Variants in DOCK1 observed in about 807,000 individuals in gnomAD.
The protein encoded by DOCK1 is dedicator of cytokinesis 1, also known as dedicator of cytokinesis protein 1.
DOCK1 carries 138 observed loss-of-function variants against 262.7 expected under a neutral mutation model. That is an observed-to-expected ratio of 0.53 (90% CI 0.46 to 0.61). DOCK1 has a LOEUF of 0.61. Ranked by LOEUF, DOCK1 falls within the 20% of genes least tolerant of loss-of-function variation. The pLI is 0.00. For synonymous variants in DOCK1, 866 were observed against 867.4 expected (o/e 1.00, Z 0.03); for missense variants, 1,908 against 2,370.7 (o/e 0.80, Z 4.05).
intron 22 of DOCK1, among the ~76,000 whole-genome samples, chr10:127,057,385 T>C (rs1198928895): frequency 6.6e-6 from 1 of 152,242 alleles, no homozygotes; most frequent in East Asian, 1.9e-4. Context: ...AATTCCAGTA[T>C]AATTGACAGT....
At chr10:127,419,874 T>C (rs2068395547) in intron 46 of DOCK1, 125 bp downstream of exon 46, 2 of 1,060,666 alleles carry the variant, frequency 1.9e-6, no homozygotes, top group African/African-American at 3.1e-5. Flanking sequence ...GTGGCTGTGA[T>C]TGTCCCTGGG....
chr10:126,963,637 T>TCCCTCCCCTC (rs1554962852), intron 1 of DOCK1, among the ~76,000 whole-genome samples: 1 of 57,590 alleles, frequency 1.7e-5, no homozygotes, highest in East Asian at 4.6e-4. Context: ...TCCCTTCCCT[T>TCCCTCCCCTC]CCCTCCTTCC....
chr10:127,215,703 A>G (rs1436797075), intron 27 of DOCK1, among the ~76,000 whole-genome samples: 2 of 152,144 alleles, frequency 1.3e-5, no homozygotes, highest in African/African-American at 2.4e-5. Context: ...TTCAAGATAT[A>G]TTAAATTGAC....
chr10:127,305,991 C>A (rs1007385011), intron 29 of DOCK1, among the ~76,000 whole-genome samples: 1 of 149,344 alleles, frequency 6.7e-6, no homozygotes, highest in Non-Finnish European at 1.5e-5. Flanking sequence ...AGCTCAAGTA[C>A]GTTTTATGCA....
At chr10:127,075,023 G>T (rs942053971) in intron 23 of DOCK1, among the ~76,000 whole-genome samples, 1 of 151,922 alleles carries the variant, frequency 6.6e-6, no homozygotes, top group Non-Finnish European at 1.5e-5. Context: ...TACGGAATTA[G>T]CTGGGCTTGG....
At chr10:127,092,361 C>G (rs1337041799) in intron 23 of DOCK1, among the ~76,000 whole-genome samples, 1 of 152,210 alleles carries the variant, frequency 6.6e-6, no homozygotes, top group African/African-American at 2.4e-5. Flanking sequence ...GGGCCCCAGC[C>G]TCCCTGTGTG....
intron 29 of DOCK1, among the ~76,000 whole-genome samples, chr10:127,332,346 G>A (rs1016854073): frequency 1.3e-5 from 2 of 152,200 alleles, no homozygotes; most frequent in African/African-American, 4.8e-5. Context: ...GGAGGCTTAA[G>A]CTTTTATTGA....
chr10:126,992,772 A>G (rs2039894805), intron 6 of DOCK1, among the ~76,000 whole-genome samples: 1 of 139,850 alleles, frequency 7.2e-6, no homozygotes, highest in African/African-American at 2.5e-5. Context: ...ACAGACAGAC[A>G]CAGACACACA....
chr10:127,426,375 G>A (rs187075583), intron 47 of DOCK1, among the ~76,000 whole-genome samples: 20 of 152,322 alleles, frequency 1.3e-4, no homozygotes, highest in African/African-American at 4.6e-4. Flanking sequence ...AATACACACA[G>A]AGGGTTCGGT....
At chr10:127,263,329 T>A (rs1367348921) in intron 29 of DOCK1, among the ~76,000 whole-genome samples, 1 of 26,780 alleles carries the variant, frequency 3.7e-5, no homozygotes, top group Non-Finnish European at 7.4e-5. Flanking sequence ...TTTATCTACC[T>A]GCCATATATG....
chr10:127,272,959 A>G (rs1469795478), intron 29 of DOCK1, among the ~76,000 whole-genome samples: 1 of 152,312 alleles, frequency 6.6e-6, no homozygotes, highest in East Asian at 1.9e-4. Context: ...CCCTCCCACA[A>G]CATGTGGGAA....
chr10:126,978,472 A>C (rs886276633), intron 3 of DOCK1, among the ~76,000 whole-genome samples: 6 of 152,194 alleles, frequency 3.9e-5, no homozygotes, highest in African/African-American at 1.4e-4. Context: ...AGCAGTTTGC[A>C]TGAGTGGTTG....
rs146270392 is a variant in DOCK1, at chr10:127,273,100, C to T, written c.3044+15671C>T. On this transcript the variant is annotated intron_variant, in intron 29 of 51. Transcript: ENST00000623213. ...TCTTCTGTTCTGTGGTTATGCTAGA[C>T]GGCCTCACCTTCTTTTCTTATTCTT... is the stretch of plus-strand genomic sequence containing the variant. Among the ~76,000 whole-genome samples the T allele has an allele frequency of 3.0e-4, 46 of 152,302 alleles. No individual in the cohort carries two copies. In the East Asian group the frequency reaches 4.3e-3, roughly 14 times the overall value.
At chr10:127,222,938 A>C (rs1206896217) in intron 27 of DOCK1, among the ~76,000 whole-genome samples, 1 of 152,128 alleles carries the variant, frequency 6.6e-6, no homozygotes, top group Admixed American at 6.5e-5. Context: ...TAGCTTCCCC[A>C]AATTCTGAGA....
At position 127,076,194 on chromosome 10, in the gene DOCK1, C is replaced by T. The variant is rs182817453; in HGVS notation, c.2445+14418C>T. The stretch of plus-strand genomic sequence containing the variant: ...ACACCAAAACCTCAACTAAAATGAT[C>T]AGCAAAGATCCATTAAGAAAATATC... On this transcript the variant is annotated intron_variant, in intron 23 of 51. Transcript: ENST00000623213. Among the ~76,000 whole-genome samples, 8 of 152,262 alleles carry T rather than the reference C, an allele frequency of 5.3e-5. No individual in the cohort carries two copies. The East Asian group carries it at 1.5e-3, about 29-fold the overall frequency.
chr10:127,288,547 C>A (rs2061239624), intron 29 of DOCK1, among the ~76,000 whole-genome samples: 1 of 151,760 alleles, frequency 6.6e-6, no homozygotes, highest in South Asian at 2.1e-4. Flanking sequence ...GAAAAAAAAT[C>A]AACATGAATT....
intron 38 of DOCK1, among the ~76,000 whole-genome samples, chr10:127,398,021 C>T (rs1467765318): frequency 5.3e-5 from 8 of 152,156 alleles, no homozygotes; most frequent in South Asian, 2.1e-4. Context: ...TGATGGGGCT[C>T]CTGTGTGACA....
At chr10:127,076,555 G>A (rs1454974093) in intron 23 of DOCK1, among the ~76,000 whole-genome samples, 1 of 152,198 alleles carries the variant, frequency 6.6e-6, no homozygotes, top group Non-Finnish European at 1.5e-5. Flanking sequence ...GTAAACCTTG[G>A]TGAGGACCTT....
chr10:127,066,081 T>C (rs553634862), intron 23 of DOCK1, among the ~76,000 whole-genome samples: 1 of 152,238 alleles, frequency 6.6e-6, no homozygotes, highest in East Asian at 2.0e-4. Context: ...CCGTGCCTTC[T>C]GGATTCTTCT....
Sources: allele counts gnomAD v4.1 joint callset (sites outside exome capture counted in the v4.1 genomes callset), GRCh38; gene constraint gnomAD v4.1.1; transcripts MANE v1.5; gene names NCBI Gene and HGNC (gene_info 2026-07-23, HGNC 2026-07-21).